The following MAGI1 variants were observed in gnomAD, a reference collection of about 807,000 sequenced individuals.
The protein encoded by MAGI1 is membrane associated guanylate kinase, WW and PDZ domain containing 1, also known as membrane-associated guanylate kinase, WW and PDZ domain-containing protein 1.
In MAGI1, 58 loss-of-function variants were observed where a neutral mutation model predicts 139.9. The ratio of observed to expected loss-of-function variants is 0.41; its 90% CI spans 0.34 to 0.52. The LOEUF (loss-of-function observed/expected upper bound fraction) is 0.52. Ranked by LOEUF, MAGI1 falls within the 20% of genes least tolerant of loss-of-function variation. The pLI is 0.12. For synonymous variants in MAGI1, 812 were observed against 737.9 expected (o/e 1.10, Z -1.63); for missense variants, 1,874 against 1,901.6 (o/e 0.99, Z 0.27).
intron 2 of MAGI1, among the ~76,000 whole-genome samples, chr3:65,506,070 G>A (rs1420815808): frequency 2.6e-5 from 4 of 152,012 alleles, no homozygotes; most frequent in Non-Finnish European, 5.9e-5. Flanking sequence ...AAAATTGCAG[G>A]GATCTAAAGC....
chr3:65,374,077 C>G (rs994961725), intron 18 of MAGI1, among the ~76,000 whole-genome samples: 4 of 152,092 alleles, frequency 2.6e-5, no homozygotes, highest in African/African-American at 9.7e-5. Context: ...TTTATAGATA[C>G]ATGGCATAGA....
intron 7 of MAGI1, among the ~76,000 whole-genome samples, chr3:65,445,603 T>G (rs1162718649): frequency 6.6e-6 from 1 of 152,200 alleles, no homozygotes; most frequent in African/African-American, 2.4e-5. Flanking sequence ...CTTACTTTCT[T>G]GGCTCTATCT....
At chr3:65,876,745 C>CTTT (rs1429265761) in intron 1 of MAGI1, among the ~76,000 whole-genome samples, 16 of 133,836 alleles carry the variant, frequency 1.2e-4, no homozygotes, top group African/African-American at 3.9e-4. Flanking sequence ...ATGTATCATG[C>CTTT]TTTTTTTTTT....
intron 1 of MAGI1, among the ~76,000 whole-genome samples, chr3:65,781,906 C>T (rs1252926087): frequency 1.3e-5 from 2 of 152,228 alleles, no homozygotes; most frequent in East Asian, 3.9e-4. Context: ...CCCCCCCTCA[C>T]TATAAACCTA....
intron 12 of MAGI1, among the ~76,000 whole-genome samples, chr3:65,404,318 G>A (rs12486728): frequency 0.3 from 46,030 of 152,076 alleles, 7,866 homozygotes; most frequent in South Asian, 0.44. Flanking sequence ...GTAACCAGTT[G>A]AGGTCTGTTT....
intron 7 of MAGI1, among the ~76,000 whole-genome samples, chr3:65,444,905 T>C (rs909945395): frequency 6.6e-5 from 10 of 152,208 alleles, no homozygotes; most frequent in Non-Finnish European, 1.0e-4. Flanking sequence ...AACTTAATCA[T>C]AGAAATTAGT....
At chr3:65,638,061 A>G (rs1285754600) in intron 1 of MAGI1, among the ~76,000 whole-genome samples, 2 of 152,146 alleles carry the variant, frequency 1.3e-5, no homozygotes, top group African/African-American at 4.8e-5. Context: ...CAGTGGCTAA[A>G]GCAGAACTAG....
chr3:65,790,711 T>TAAC (rs1315142463), intron 1 of MAGI1, among the ~76,000 whole-genome samples: 4 of 152,216 alleles, frequency 2.6e-5, no homozygotes, highest in Non-Finnish European at 5.9e-5. Context: ...ACATTTCAGC[T>TAAC]AACAACCTCA....
intron 1 of MAGI1, among the ~76,000 whole-genome samples, chr3:65,784,678 C>A (rs1457158772): frequency 6.6e-6 from 1 of 151,284 alleles, no homozygotes; most frequent in African/African-American, 2.5e-5. Context: ...GCACTCCAGC[C>A]TGGGCGACAG....
chr3:65,500,678 C>T (rs146017590), intron 2 of MAGI1, among the ~76,000 whole-genome samples: 20 of 152,318 alleles, frequency 1.3e-4, no homozygotes, highest in East Asian at 9.7e-4. Context: ...ACCTTCCCAA[C>T]GCCATGCGGT....
Position 65,364,656 on chromosome 3 carries a change from G to A in MAGI1, c.3351+9C>T. On this transcript the variant is annotated intron_variant, in intron 20 of 22. Transcript: ENST00000402939. The stretch of plus-strand genomic sequence containing the variant: ...CAAAGTATAGAGAAAAAAGAGACAT[G>A]GTGCTCACCTGTGTTGCTTGGGGTG... 6.2e-7 allele frequency: 1 copy of A among 1,612,676 alleles called. No homozygotes were observed. The highest frequency in any genetic ancestry group is 8.5e-7 in the Non-Finnish European group (1 of 1,179,026).
At chr3:65,503,838 T>G (rs1257501698) in intron 2 of MAGI1, among the ~76,000 whole-genome samples, 1 of 152,152 alleles carries the variant, frequency 6.6e-6, no homozygotes, top group African/African-American at 2.4e-5. Context: ...TGACATGGGA[T>G]GAAGGAAAAG....
intron 5 of MAGI1, among the ~76,000 whole-genome samples, chr3:65,454,410 T>A (rs547806385): frequency 2.6e-5 from 4 of 151,152 alleles, no homozygotes; most frequent in Non-Finnish European, 5.9e-5. Flanking sequence ...AGGGATAGCA[T>A]TGGGAGATAT....
At chr3:65,646,715 G>C (rs1477867796) in intron 1 of MAGI1, among the ~76,000 whole-genome samples, 1 of 151,940 alleles carries the variant, frequency 6.6e-6, no homozygotes, top group Non-Finnish European at 1.5e-5. Context: ...CTAAATAGAA[G>C]AGAACCAAAC....
At chr3:65,869,029 A>G (rs1438236733) in intron 1 of MAGI1, among the ~76,000 whole-genome samples, 3 of 151,972 alleles carry the variant, frequency 2.0e-5, no homozygotes, top group Admixed American at 2.0e-4. Flanking sequence ...GCACTTTGGG[A>G]GGCCGAGGCG....
intron 1 of MAGI1, among the ~76,000 whole-genome samples, chr3:65,916,626 C>T (rs1343960789): frequency 6.6e-6 from 1 of 152,176 alleles, no homozygotes; most frequent in Admixed American, 6.5e-5. Context: ...TCCCACAACA[C>T]ATGGGAATTA....
intron 1 of MAGI1, among the ~76,000 whole-genome samples, chr3:65,908,656 A>G (rs2061535327): frequency 1.3e-5 from 2 of 152,310 alleles, no homozygotes; most frequent in Non-Finnish European, 2.9e-5. Flanking sequence ...TCTCCATGAA[A>G]TAAGTGAGGT....
chr3:65,640,362 T>C (rs1336430163), intron 1 of MAGI1, among the ~76,000 whole-genome samples: 3 of 152,180 alleles, frequency 2.0e-5, no homozygotes, highest in Non-Finnish European at 4.4e-5. Flanking sequence ...TCGGCTCTAA[T>C]TCACATATGT....
At position 65,956,571 on chromosome 3, in the gene MAGI1, A is replaced by T. The variant is rs146816787; in HGVS notation, c.313+81425T>A. On this transcript the variant is annotated intron_variant, in intron 1 of 22. Transcript: ENST00000402939. ...TGAAACACAGAAATTTAAAAAATTC[A>T]AAGTAGGCATACTTTCAGGTGGCTA... Among the ~76,000 whole-genome samples the T allele has an allele frequency of 7.1e-3, 1,083 of 152,334 alleles. 14 individuals are homozygous for T. The highest frequency in any genetic ancestry group is 0.025 in the African/African-American group (1,039 of 41,578).
Sources: gnomAD v4.1 joint callset for allele counts (sites outside exome capture counted in the v4.1 genomes callset) on GRCh38, gnomAD v4.1.1 for gene constraint, MANE v1.5 for transcripts, NCBI Gene and HGNC (gene_info 2026-07-23, HGNC 2026-07-21) for gene names.